HECW1: variants seen among roughly 807,000 people sequenced by gnomAD.
HECW1 encodes the protein HECT, C2 and WW domain containing E3 ubiquitin protein ligase 1.
A neutral mutation model predicts 182.3 loss-of-function variants in HECW1; 61 were observed. The observed-to-expected ratio is 0.33, with a 90% confidence interval of 0.27 to 0.41. The LOEUF is 0.41. Among genes scored for constraint, HECW1 ranks in the 10% least tolerant of loss-of-function variants. HECW1 has a pLI of 1.00. For missense variants in HECW1, 1,739 were observed against 2,108.9 expected (o/e 0.82, Z 3.44); for synonymous variants, 859 against 832.6 (o/e 1.03, Z -0.55).
intron 3 of HECW1, among the ~76,000 whole-genome samples, chr7:43,295,018 A>C (rs1368834788): frequency 1.3e-5 from 2 of 152,190 alleles, no homozygotes; most frequent in Non-Finnish European, 2.9e-5. Context: ...CTTCCAGGTC[A>C]CAGGCAGATA....
At chr7:43,286,334 A>G (rs971807305) in intron 3 of HECW1, among the ~76,000 whole-genome samples, 3 of 152,156 alleles carry the variant, frequency 2.0e-5, no homozygotes, top group African/African-American at 7.2e-5. Context: ...GCCCAAGCCT[A>G]TGATGGGGGT....
chr7:43,313,379 A>C (rs200234447), intron 4 of HECW1, among the ~76,000 whole-genome samples: 2 of 143,002 alleles, frequency 1.4e-5, no homozygotes, highest in African/African-American at 2.8e-5. Context: ...CTCTTGTTGC[A>C]CAGGCTGGAG....
intron 5 of HECW1, 104 bp downstream of exon 5, chr7:43,320,846 C>T: frequency 1.2e-6 from 1 of 822,048 alleles, no homozygotes; most frequent in East Asian, 2.5e-5. Context: ...AGAAATGGGC[C>T]CTCTAAAAGA....
chr7:43,268,767 TTG>T lies in HECW1; in HGVS notation c.27+24837_27+24838del, dbSNP rs1802059033. Among the ~76,000 whole-genome samples the T allele has an allele frequency of 6.6e-5, 10 of 151,812 alleles. No homozygotes were observed. The South Asian group carries it at 1.9e-3, about 28-fold the overall frequency. ...CCTGACCTGTGTTTTGTTGTTGTTGTTGTTGTTTGTTTGTTTGTTTTTTTAAC... is the reference window on the plus strand; with the variant it reads ...CCTGACCTGTGTTTTGTTGTTGTTGTTTGTTTGTTTGTTTGTTTTTTTAAC... On this transcript the variant is annotated intron_variant, in intron 3 of 29. Coordinates refer to ENST00000395891, the MANE Select transcript of HECW1 (RefSeq NM_015052.5).
chr7:43,219,662 A>G (rs554662269), intron 2 of HECW1, among the ~76,000 whole-genome samples: 5 of 151,248 alleles, frequency 3.3e-5, no homozygotes, highest in South Asian at 4.2e-4. Context: ...AACAGAACAG[A>G]ACAGGACAGG....
intron 3 of HECW1, among the ~76,000 whole-genome samples, chr7:43,270,919 C>G (rs1802332381): frequency 6.6e-6 from 1 of 152,084 alleles, no homozygotes; most frequent in Non-Finnish European, 1.5e-5. Flanking sequence ...TGTGGAAACT[C>G]TCTGAAGAAA....
In HECW1 at chr7:43,469,029, A is replaced by T. The variant is rs1332732823; in HGVS notation, c.3023A>T (p.Asn1008Ile). 1 of 1,614,168 alleles carries T rather than the reference A, an allele frequency of 6.2e-7. No homozygotes were observed. The highest frequency in any genetic ancestry group is 8.5e-7 in the Non-Finnish European group (1 of 1,180,028). Residue 1008 changes from asparagine to isoleucine, a missense_variant, in exon 16 of 30, where the codon AAT (asparagine) becomes ATT (isoleucine). Asn to Ile is a moderately radical substitution (Grantham distance 149). Around this residue, in one of 5 missense-constraint regions of HECW1, gnomAD observed 971 missense variants for 1,029.1 expected, o/e 0.94. Transcript: ENST00000395891. The part of the protein sequence containing the change: ...ERYQHNRDLV[N>I]FINMFADTRL... Reference sequence around the variant, plus strand: ...TACCAGCACAACCGGGACTTGGTGAATTTCATCAACATGTTCGCAGACACT... The same window carrying T: ...TACCAGCACAACCGGGACTTGGTGATTTTCATCAACATGTTCGCAGACACT...
At position 43,565,582 on chromosome 7, in the gene HECW1, T is replaced by TTTTTA. The variant is rs1554475196; in HGVS notation, c.*3658_*3659insTTATT. The TTTTTA allele has an allele frequency of 0.024, 3,934 of 161,206 alleles. 175 individuals carry two copies. Among genetic ancestry groups the TTTTTA allele is most frequent in the African/African-American group, 0.091 (3,670 of 40,262 alleles). The allele number at this position is 161,206 out of a possible 1,614,324, so 10.0% of individuals were successfully genotyped here. A position where few individuals can be genotyped will look rare whatever the true frequency, so the allele number is the denominator to read the frequency against. On this transcript the variant is annotated 3_prime_UTR_variant, in exon 30 of 30. Coordinates refer to ENST00000395891, the MANE Select transcript of HECW1 (RefSeq NM_015052.5). ...CTTTATTATTATTATTATTATTATT[T>TTTTTA]TTATTATTATTATTATTACGTACTT...
rs144864252 is a variant in HECW1, at chr7:43,386,681, C to A, written c.556-10133C>A. On this transcript the variant is annotated intron_variant, in intron 6 of 29. Transcript: ENST00000395891. The stretch of plus-strand genomic sequence containing the variant: ...CCACCCACTTCCCCACCAGCTTCAG[C>A]TGTGTCACCTATCATCTCAAGTTGT... 7.7e-4 allele frequency among the ~76,000 whole-genome samples: 117 copies of A among 152,240 alleles called. 1 individual carries two copies. The highest frequency in any genetic ancestry group is 3.4e-3 in the Middle Eastern group (1 of 294).
chr7:43,287,267 T>C (rs1184823423), intron 3 of HECW1, among the ~76,000 whole-genome samples: 2 of 152,016 alleles, frequency 1.3e-5, no homozygotes, highest in South Asian at 4.2e-4. Context: ...ACTGTGGAGA[T>C]GCTGGAATGG....
intron 2 of HECW1, among the ~76,000 whole-genome samples, chr7:43,151,773 A>T (rs899155931): frequency 6.6e-6 from 1 of 152,184 alleles, no homozygotes; most frequent in Non-Finnish European, 1.5e-5. Flanking sequence ...TGTATCCAAC[A>T]TATGTTTATT....
At chr7:43,453,417 A>G (rs916835180) in intron 12 of HECW1, among the ~76,000 whole-genome samples, 2 of 152,202 alleles carry the variant, frequency 1.3e-5, no homozygotes, top group Admixed American at 6.5e-5. Flanking sequence ...GTTGTCTTCA[A>G]CTGAGTTGGG....
intron 8 of HECW1, among the ~76,000 whole-genome samples, chr7:43,433,491 G>A (rs79985588): frequency 0.033 from 4,978 of 152,286 alleles, 271 homozygotes; most frequent in African/African-American, 0.11. Context: ...AGACCCACTG[G>A]TCAAAGCAAA....
At chr7:43,133,363 T>C (rs1037700240) in intron 2 of HECW1, among the ~76,000 whole-genome samples, 1 of 152,086 alleles carries the variant, frequency 6.6e-6, no homozygotes, top group Non-Finnish European at 1.5e-5. Context: ...ATGAATATCA[T>C]GTGATTATTA....
At chr7:43,446,707 A>G (rs775629993) in intron 11 of HECW1, among the ~76,000 whole-genome samples, 5 of 152,214 alleles carry the variant, frequency 3.3e-5, no homozygotes, top group Non-Finnish European at 5.9e-5. Context: ...CATTTCAGAA[A>G]AAGAGTGAGA....
At chr7:43,361,044 G>C in intron 6 of HECW1, 64 bp downstream of exon 6, 1 of 1,085,812 alleles carries the variant, frequency 9.2e-7, no homozygotes, top group Non-Finnish European at 1.4e-6. Flanking sequence ...TTCCTATTTT[G>C]TTCTTGTGCG....
rs780022640 is a variant in HECW1 at position 43,438,088 on chromosome 7, G to A, written c.887G>A (p.Arg296His). 13 of 1,613,938 alleles carry A rather than the reference G, an allele frequency of 8.1e-6. No homozygotes were observed. The highest frequency in any genetic ancestry group is 2.2e-5 in the East Asian group (1 of 44,882). ...GCCAAGAGCCGCCCCATCATCAAGC[G>A]CTTCTTGGGAAAGCTGTCGATGCCC... The part of the protein sequence containing the change: ...KFAKSRPIIK[R>H]FLGKLSMPVQ... Residue 296 changes from arginine to histidine, a missense_variant, in exon 9 of 30, where the codon CGC (arginine) becomes CAC (histidine). Transcript: ENST00000395891.
intron 2 of HECW1, among the ~76,000 whole-genome samples, chr7:43,194,652 A>G (rs1794255208): frequency 6.6e-6 from 1 of 151,688 alleles, no homozygotes; most frequent in African/African-American, 2.4e-5. Context: ...TGTGGATTCA[A>G]CCAGGAAAAT....
At chr7:43,430,334 T>C (rs935508820) in intron 8 of HECW1, among the ~76,000 whole-genome samples, 2 of 152,212 alleles carry the variant, frequency 1.3e-5, no homozygotes, top group Non-Finnish European at 2.9e-5. Context: ...CCAGTAAAAC[T>C]CTTTCTACCC....
Sources: allele counts gnomAD v4.1 joint callset (sites outside exome capture counted in the v4.1 genomes callset), GRCh38; gene constraint gnomAD v4.1.1; regional missense constraint gnomAD v4.1.1; transcripts MANE v1.5; gene names NCBI Gene and HGNC (gene_info 2026-07-23, HGNC 2026-07-21).